The following SUGCT variants were observed in gnomAD, a reference collection of about 807,000 sequenced individuals.
SUGCT encodes the protein succinyl-CoA:glutarate-CoA transferase, also known as succinyl-CoA:glutarate CoA-transferase.
A neutral mutation model predicts 55.0 loss-of-function variants in SUGCT; 41 were observed. The ratio of observed to expected loss-of-function variants is 0.74; its 90% CI spans 0.58 to 0.97. SUGCT has a LOEUF of 0.97. Ranked by LOEUF, SUGCT falls within the 50% of genes least tolerant of loss-of-function variation. SUGCT has a pLI of 0.00. For synonymous variants in SUGCT, 187 were observed against 200.4 expected, an observed-to-expected ratio of 0.93 and a Z score of 0.56; for missense variants, 568 against 547.8, an observed-to-expected ratio of 1.04 and a Z score of -0.37.
the SUGCT span, among the ~76,000 whole-genome samples, chr7:40,971,973 TA>T: frequency 1.3e-5 from 2 of 152,152 alleles, no homozygotes; most frequent in Non-Finnish European, 2.9e-5. Context: ...GATGAGAAAA[TA>T]AATAAAACTC....
At chr7:40,173,227 A>G (rs1460621938) in intron 1 of SUGCT, among the ~76,000 whole-genome samples, 1 of 152,176 alleles carries the variant, frequency 6.6e-6, no homozygotes, top group African/African-American at 2.4e-5. Flanking sequence ...ATTAGGACAA[A>G]CCTAGGCACT....
intron 9 of SUGCT, among the ~76,000 whole-genome samples, chr7:40,441,416 T>A (rs1248955427): frequency 6.6e-6 from 1 of 152,194 alleles, no homozygotes; most frequent in African/African-American, 2.4e-5. Context: ...AATTTAATAA[T>A]TTTTTATTTG....
chr7:40,711,597 C>T (rs1562958902), intron 12 of SUGCT, among the ~76,000 whole-genome samples: 1 of 152,250 alleles, frequency 6.6e-6, no homozygotes, highest in African/African-American at 2.4e-5. Context: ...TTAAAAACTG[C>T]CATACCCATT....
chr7:40,707,461 GT>G (rs1167007270), intron 12 of SUGCT, among the ~76,000 whole-genome samples: 1 of 152,156 alleles, frequency 6.6e-6, no homozygotes, highest in Non-Finnish European at 1.5e-5. Context: ...AAAAGTGTGT[GT>G]TTCCCTGAAG....
At chr7:40,815,455 C>T (rs1362589400) in intron 13 of SUGCT, among the ~76,000 whole-genome samples, 1 of 152,134 alleles carries the variant, frequency 6.6e-6, no homozygotes, top group Non-Finnish European at 1.5e-5. Flanking sequence ...GATCTCTGCA[C>T]AAGAAGGCTG....
chr7:40,663,621 T>G (rs777211377), intron 12 of SUGCT, among the ~76,000 whole-genome samples: 55 of 152,036 alleles, frequency 3.6e-4, no homozygotes, highest in Non-Finnish European at 7.6e-4. Context: ...ATCCATCCCG[T>G]AGGCATGACC....
chr7:40,518,983 T>G (rs1793391135), intron 12 of SUGCT, among the ~76,000 whole-genome samples: 1 of 152,108 alleles, frequency 6.6e-6, no homozygotes, highest in South Asian at 2.1e-4. Context: ...AGTTTTCCAG[T>G]TAACAAATGC....
intron 12 of SUGCT, among the ~76,000 whole-genome samples, chr7:40,724,411 A>G (rs1786505963): frequency 1.6e-5 from 2 of 121,380 alleles, no homozygotes; most frequent in Non-Finnish European, 3.1e-5. Context: ...TAAAAATACA[A>G]AAAATTAACG....
At chr7:40,298,656 G>T (rs1183472824) in intron 8 of SUGCT, among the ~76,000 whole-genome samples, 1 of 151,912 alleles carries the variant, frequency 6.6e-6, no homozygotes, top group Admixed American at 6.6e-5. Flanking sequence ...GAATTTTCCT[G>T]ACCACTATCA....
chr7:40,395,911 G>A (rs1403683424), intron 9 of SUGCT, among the ~76,000 whole-genome samples: 1 of 152,128 alleles, frequency 6.6e-6, no homozygotes, highest in Non-Finnish European at 1.5e-5. Flanking sequence ...GCATACTAAG[G>A]TTCTTACAGG....
At chr7:40,452,844 G>A (rs1789264130) in intron 10 of SUGCT, among the ~76,000 whole-genome samples, 1 of 152,104 alleles carries the variant, frequency 6.6e-6, no homozygotes, top group African/African-American at 2.4e-5. Flanking sequence ...CCCCGAGCAC[G>A]GTGATCATAC....
At chr7:40,283,566 A>T (rs965601403) in intron 8 of SUGCT, among the ~76,000 whole-genome samples, 1 of 152,150 alleles carries the variant, frequency 6.6e-6, no homozygotes, top group Non-Finnish European at 1.5e-5. Flanking sequence ...GTGGCCAACA[A>T]GTATCTGAGA....
At chr7:40,668,257 A>C (rs760647037) in intron 12 of SUGCT, among the ~76,000 whole-genome samples, 1 of 152,164 alleles carries the variant, frequency 6.6e-6, no homozygotes, top group African/African-American at 2.4e-5. Context: ...CAGAATTTTA[A>C]AATTATTTCT....
At chr7:40,188,026 A>G (rs1263637285) in intron 3 of SUGCT, among the ~76,000 whole-genome samples, 1 of 152,120 alleles carries the variant, frequency 6.6e-6, no homozygotes, top group Non-Finnish European at 1.5e-5. Flanking sequence ...TTAGCCGGGC[A>G]TGTTGGCGGG....
chr7:41,010,167 A>C, the SUGCT span, among the ~76,000 whole-genome samples: 1 of 152,152 alleles, frequency 6.6e-6, no homozygotes, highest in Non-Finnish European at 1.5e-5. Flanking sequence ...CTCATTATCC[A>C]CCTTCCCAAA....
At chr7:40,219,139 A>G (rs1787877265) in intron 6 of SUGCT, among the ~76,000 whole-genome samples, 2 of 152,244 alleles carry the variant, frequency 1.3e-5, no homozygotes, top group East Asian at 1.9e-4. Flanking sequence ...TTTATGAGCT[A>G]TAACACTCAT....
the SUGCT span, among the ~76,000 whole-genome samples, chr7:40,998,381 A>T: frequency 6.6e-5 from 10 of 151,626 alleles, 1 homozygote; most frequent in East Asian, 1.9e-3. Context: ...AAAAAAAAGG[A>T]GCTAGGTGTG....
the SUGCT span, among the ~76,000 whole-genome samples, chr7:41,018,474 A>T: frequency 6.6e-6 from 1 of 152,216 alleles, no homozygotes; most frequent in Non-Finnish European, 1.5e-5. Context: ...GCTCTTTTGA[A>T]CTTCACCTGC....
chr7:40,606,936 T>C (rs1281194271), intron 12 of SUGCT, among the ~76,000 whole-genome samples: 1 of 152,156 alleles, frequency 6.6e-6, no homozygotes, highest in Non-Finnish European at 1.5e-5. Context: ...AGAAGAATCA[T>C]CCTTTTTATG....
Sources: gnomAD v4.1 joint callset for allele counts (sites outside exome capture counted in the v4.1 genomes callset) on GRCh38, gnomAD v4.1.1 for gene constraint, MANE v1.5 for transcripts, NCBI Gene and HGNC (gene_info 2026-07-23, HGNC 2026-07-21) for gene names.